Variants in AP3S1 observed in about 807,000 individuals in gnomAD.
AP3S1 encodes AP-3 complex subunit sigma-1.
Under a neutral mutation model 21.3 loss-of-function variants are expected in AP3S1, and 12 were observed. The observed-to-expected ratio is 0.56, with a 90% CI of 0.36 to 0.91. The LOEUF (loss-of-function observed/expected upper bound fraction) is 0.91. AP3S1 is among the 40% of genes least tolerant of loss of function. The pLI is 0.01. For missense variants in AP3S1, 116 were observed against 225.0 expected (o/e 0.52, Z 3.10); for synonymous variants, 48 against 78.4 (o/e 0.61, Z 2.05).
At chr5:115,861,565 T>A (rs906824349) in intron 1 of AP3S1, among the ~76,000 whole-genome samples, 13 of 152,142 alleles carry the variant, frequency 8.5e-5, no homozygotes, top group Admixed American at 2.0e-4. Flanking sequence ...ATTAAAAAAA[T>A]TTTTTTTGAG....
chr5:115,877,450 T>C (rs1748830218), intron 3 of AP3S1, among the ~76,000 whole-genome samples: 2 of 152,034 alleles, frequency 1.3e-5, no homozygotes, highest in African/African-American at 2.4e-5. Context: ...GAACATGCAG[T>C]GTTTGGTTTT....
intron 1 of AP3S1, chr5:115,842,365 G>C (rs1396849076): frequency 4.6e-6 from 2 of 435,134 alleles, no homozygotes; most frequent in Non-Finnish European, 3.9e-6. Flanking sequence ...TCCTGGCTGC[G>C]CGGGCGAGGC....
At chr5:115,875,455 T>TG (rs998847953) in intron 3 of AP3S1, among the ~76,000 whole-genome samples, 2 of 152,162 alleles carry the variant, frequency 1.3e-5, no homozygotes, top group Non-Finnish European at 2.9e-5. Context: ...CACTTGGTGG[T>TG]GGGGTGACAG....
intron 1 of AP3S1, among the ~76,000 whole-genome samples, chr5:115,854,458 C>G (rs924971877): frequency 6.6e-6 from 1 of 152,050 alleles, no homozygotes; most frequent in African/African-American, 2.4e-5. Flanking sequence ...GTGCCCCAGT[C>G]TCTTCTTGTT....
intron 5 of AP3S1, chr5:115,903,620 G>A (rs1751399121): frequency 1.3e-5 from 2 of 152,194 alleles, no homozygotes; most frequent in South Asian, 2.1e-4. Flanking sequence ...AGATCGGTTT[G>A]TTATACTTAG....
intron 3 of AP3S1, among the ~76,000 whole-genome samples, chr5:115,879,576 G>C (rs561153755): frequency 1.3e-5 from 2 of 152,256 alleles, no homozygotes; most frequent in South Asian, 4.1e-4. Flanking sequence ...TAAGCTTTTT[G>C]ATGTGCTGCT....
chr5:115,863,570 C>CA (rs1220284412), intron 1 of AP3S1, among the ~76,000 whole-genome samples: 4 of 151,276 alleles, frequency 2.6e-5, no homozygotes, highest in Admixed American at 1.3e-4. Context: ...GACTCCATCT[C>CA]AAAAAAAAGA....
At chr5:115,886,177 G>A (rs1210578820) in intron 3 of AP3S1, among the ~76,000 whole-genome samples, 1 of 152,138 alleles carries the variant, frequency 6.6e-6, no homozygotes, top group Non-Finnish European at 1.5e-5. Flanking sequence ...TTACTGCAAA[G>A]GCTCAAATAA....
chr5:115,892,919 T>C (rs1049261115), intron 3 of AP3S1, among the ~76,000 whole-genome samples: 2 of 152,200 alleles, frequency 1.3e-5, no homozygotes, highest in Non-Finnish European at 2.9e-5. Context: ...AAACATCTCA[T>C]GTACCCCACA....
At chr5:115,885,644 C>G (rs1352392094) in intron 3 of AP3S1, among the ~76,000 whole-genome samples, 1 of 152,212 alleles carries the variant, frequency 6.6e-6, no homozygotes, top group Non-Finnish European at 1.5e-5. Context: ...ACTCAAATGT[C>G]AATCTCCTCT....
chr5:115,911,179 A>G (rs904103513), intron 5 of AP3S1, among the ~76,000 whole-genome samples: 5 of 152,134 alleles, frequency 3.3e-5, no homozygotes, highest in Non-Finnish European at 7.4e-5. Context: ...AACAGGATGC[A>G]TTTTTAAATT....
At chr5:115,844,907 A>G (rs999219396) in intron 1 of AP3S1, among the ~76,000 whole-genome samples, 2 of 152,188 alleles carry the variant, frequency 1.3e-5, no homozygotes, top group Non-Finnish European at 2.9e-5. Flanking sequence ...TATTTTTGTC[A>G]TTCTAAGCAG....
At chr5:115,886,210 G>C (rs527595799) in intron 3 of AP3S1, among the ~76,000 whole-genome samples, 1 of 152,166 alleles carries the variant, frequency 6.6e-6, no homozygotes. Flanking sequence ...AAAGCAGTCG[G>C]AACAGTGGTA....
intron 1 of AP3S1, among the ~76,000 whole-genome samples, chr5:115,862,860 A>G (rs1561484357): frequency 6.6e-6 from 1 of 152,256 alleles, no homozygotes; most frequent in Non-Finnish European, 1.5e-5. Context: ...GAGAAATATC[A>G]TGACGCTACA....
In AP3S1 at chr5:115,866,771, G is replaced by A. The variant is rs377003213; in HGVS notation, c.161+10G>A. On this transcript the variant is annotated intron_variant, in intron 2 of 5. Coordinates refer to ENST00000316788, the MANE Select transcript of AP3S1 (RefSeq NM_001284.4). ...TCCTAGAAGGAGGATTGTAAGTAAA[G>A]CATTTCATAGACATTTCTAAGTTTT... The A allele has an allele frequency of 2.7e-5, 41 of 1,543,516 alleles. No homozygotes were observed. In the African/African-American group the frequency reaches 3.1e-4, roughly 12 times the overall value.
At chr5:115,893,507 G>A (rs1750496101) in intron 3 of AP3S1, among the ~76,000 whole-genome samples, 1 of 152,230 alleles carries the variant, frequency 6.6e-6, no homozygotes, top group South Asian at 2.1e-4. Flanking sequence ...ATTTGGGGAA[G>A]TCAAAGTTAG....
intron 1 of AP3S1, among the ~76,000 whole-genome samples, chr5:115,859,640 A>G (rs541569243): frequency 1.3e-5 from 2 of 152,374 alleles, no homozygotes; most frequent in African/African-American, 2.4e-5. Flanking sequence ...ACTGTGTTGT[A>G]TGGCTCCACC....
At chr5:115,897,580 G>A (rs1750859535) in intron 4 of AP3S1, among the ~76,000 whole-genome samples, 1 of 149,966 alleles carries the variant, frequency 6.7e-6, no homozygotes, top group South Asian at 2.1e-4. Flanking sequence ...TTTTTTTTCT[G>A]AGATGGAGTC....
At chr5:115,898,683 C>T (rs1750964472) in intron 4 of AP3S1, 1 of 152,218 alleles carries the variant, frequency 6.6e-6, no homozygotes, top group South Asian at 2.1e-4. Flanking sequence ...TTCTTAACAG[C>T]TTGCCCAGAT....
Sources: gnomAD v4.1 joint callset for allele counts (sites outside exome capture counted in the v4.1 genomes callset) on GRCh38, gnomAD v4.1.1 for gene constraint, MANE v1.5 for transcripts, NCBI Gene and HGNC (gene_info 2026-07-23, HGNC 2026-07-21) for gene names.